PABIR1: variants seen among roughly 807,000 people sequenced by gnomAD.
The protein encoded by PABIR1 is PP2A Aalpha (PPP2R1A) and B55A (PPP2R2A) interacting phosphatase regulator 1, also known as PPP2R1A-PPP2R2A-interacting phosphatase regulator 1.
A neutral mutation model predicts 14.6 loss-of-function variants in PABIR1; 2 were observed. The ratio of observed to expected loss-of-function variants is 0.14; its 90% CI spans 0.06 to 0.43. PABIR1 has a LOEUF of 0.43. PABIR1 is among the 20% of genes least tolerant of loss of function. The pLI, the probability that PABIR1 is intolerant of heterozygous loss-of-function variation, is 0.99. For missense variants in PABIR1, 294 were observed against 379.0 expected (o/e 0.78, Z 1.86); for synonymous variants, 163 against 155.4 (o/e 1.05, Z -0.36).
Position 68,783,417 on chromosome 9 carries a change from T to G in PABIR1, c.*2389T>G, listed in dbSNP as rs1329485689. 6.0e-6 allele frequency: 1 copy of G among 166,988 alleles called. No individual in the cohort carries two copies. Among genetic ancestry groups the G allele is most frequent in the East Asian group, 1.9e-4 (1 of 5,210 alleles). The allele number at this position is 166,988 out of a possible 1,614,324, so 10.3% of individuals were successfully genotyped here. A position where few individuals can be genotyped will look rare whatever the true frequency, so the allele number is the denominator to read the frequency against. On this transcript the variant is annotated 3_prime_UTR_variant, in exon 1 of 1. Transcript: ENST00000394264. ...CGTGAGTTTAAGTATGAAGGCAATGTATACCTGCTGATTGTAAAATATTTA... is the reference window on the plus strand; with the variant it reads ...CGTGAGTTTAAGTATGAAGGCAATGGATACCTGCTGATTGTAAAATATTTA...
rs1379443843 is a variant in PABIR1 at position 68,781,590 on chromosome 9, G to A, written c.*562G>A. On this transcript the variant is annotated 3_prime_UTR_variant, in exon 1 of 1. Transcript: ENST00000394264. ...TGGGTACTGAAGTGGATGGGAGGGG[G>A]AATGATTAAAGAACAAATTATAAAA... 6.0e-6 allele frequency: 1 copy of A among 166,594 alleles called. No individual in the cohort carries two copies. Among genetic ancestry groups the A allele is most frequent in the Non-Finnish European group, 1.5e-5 (1 of 68,094 alleles). The allele number at this position is 166,594 out of a possible 1,614,324, so 10.3% of individuals were successfully genotyped here.
In PABIR1 at chr9:68,780,081, C is replaced by G. The variant is rs918424948; in HGVS notation, c.-84C>G. 7.0e-7 allele frequency: 1 copy of G among 1,421,838 alleles called. No homozygotes were observed. The highest frequency in any genetic ancestry group is 2.6e-5 in the East Asian group (1 of 38,444). 88.1% of individuals were successfully genotyped at this position (1,421,838 alleles called of 1,614,324 possible). A position where few individuals can be genotyped will look rare whatever the true frequency, so the allele number is the denominator to read the frequency against. ...CCCGCTGACAGATTCTCGGTGGCGG[C>G]GGCAGCGGCGGCGGCCCTGGACTGC... On this transcript the variant is annotated 5_prime_UTR_variant, in exon 1 of 1. Coordinates refer to ENST00000394264, the MANE Select transcript of PABIR1 (RefSeq NM_138333.5).
Position 68,781,260 on chromosome 9 carries a change from C to T in PABIR1, c.*232C>T. On this transcript the variant is annotated 3_prime_UTR_variant, in exon 1 of 1. Transcript: ENST00000394264. ...CGTTTCCCCAATAAGTGTGTTGAAG[C>T]ATACATCTTTACGCTGCTAATATGT... 1 of 545,448 alleles carries T rather than the reference C, an allele frequency of 1.8e-6. No individual in the cohort carries two copies. Among genetic ancestry groups the T allele is most frequent in the Non-Finnish European group, 3.3e-6 (1 of 302,994 alleles). 33.8% of individuals were successfully genotyped at this position (545,448 alleles called of 1,614,324 possible).
rs1831197976 is a variant in PABIR1, at chr9:68,780,449, C to T, written c.285C>T (p.Asp95=). Reference sequence around the variant, plus strand: ...AGATCAAACAAGAAGAGGGCATGGACTTGATCAACCGAGAGACGGTCCACG... The same window carrying T: ...AGATCAAACAAGAAGAGGGCATGGATTTGATCAACCGAGAGACGGTCCACG... ...LHQIKQEEGM[D]LINRETVHER... is the part of the protein sequence containing the mutation. The change falls in exon 1 of 1, where the codon GAC becomes GAT. Residue 95 remains aspartate (D), a synonymous_variant. Transcript: ENST00000394264. The T allele has an allele frequency of 6.2e-7, 1 of 1,614,236 alleles. No homozygotes were observed.
chr9:68,780,970 T>G lies in PABIR1; in HGVS notation c.806T>G (p.Val269Gly). 6.2e-7 allele frequency: 1 copy of G among 1,614,240 alleles called. No individual in the cohort carries two copies. The highest frequency in any genetic ancestry group is 8.5e-7 in the Non-Finnish European group (1 of 1,180,046). Reference protein sequence around the residue: ...AKVSTTTDSPVSPAQAASPFI... With the variant: ...AKVSTTTDSPGSPAQAASPFI... ...GTCAGCACTACCACCGACTCTCCTG[T>G]GTCACCTGCCCAAGCGGCTTCTCCA... Residue 269 changes from valine to glycine, a missense_variant, in exon 1 of 1, where the codon GTG becomes GGG. Transcript: ENST00000394264.
In PABIR1 at chr9:68,782,528, A is replaced by C. The variant is rs1226065604; in HGVS notation, c.*1500A>C. The C allele has an allele frequency of 6.0e-6, 1 of 167,118 alleles. No homozygotes were observed. The highest frequency in any genetic ancestry group is 1.5e-5 in the Non-Finnish European group (1 of 68,112). 10.4% of individuals were successfully genotyped at this position (167,118 alleles called of 1,614,324 possible). ...GGAAAAATGACTCAGAACAAGACAA[A>C]AGCTCTGACTGTTTAAAGTTATCGC... On this transcript the variant is annotated 3_prime_UTR_variant, in exon 1 of 1. Coordinates refer to ENST00000394264, the MANE Select transcript of PABIR1 (RefSeq NM_138333.5).
In PABIR1 at chr9:68,784,275, A is replaced by G. The variant is rs1831481738; in HGVS notation, c.*3247A>G. The G allele has an allele frequency of 6.0e-6, 1 of 166,888 alleles. No homozygotes were observed. The highest frequency in any genetic ancestry group is 6.6e-5 in the Admixed American group (1 of 15,240). The allele number at this position is 166,888 out of a possible 1,614,324, so 10.3% of individuals were successfully genotyped here. ...TTTAAGGTATTAGTATTGCTAATCT[A>G]TAAACTTTGTGCAAGAAGTCCTAAA... is the stretch of plus-strand genomic sequence containing the variant. On this transcript the variant is annotated 3_prime_UTR_variant, in exon 1 of 1. Transcript: ENST00000394264.
rs373747727 is a variant in PABIR1 at position 68,781,044 on chromosome 9, A to G, written c.*16A>G. ...GTCTAAGTGATTCACTCATCCTGAG[A>G]CTTTCTTTTTGCAGTGGAGAGAGAG... On this transcript the variant is annotated 3_prime_UTR_variant, in exon 1 of 1. Transcript: ENST00000394264. The G allele has an allele frequency of 6.2e-7, 1 of 1,602,716 alleles. No individual in the cohort carries two copies. Among genetic ancestry groups the G allele is most frequent in the Non-Finnish European group, 8.5e-7 (1 of 1,172,786 alleles).
chr9:68,783,577 A>G lies in PABIR1; in HGVS notation c.*2549A>G, dbSNP rs1831428369. On this transcript the variant is annotated 3_prime_UTR_variant, in exon 1 of 1. Transcript: ENST00000394264. ...ATGTGTTACTGGCATTTCCATGTATATATGTATATAAATGCAGGAAACCAA... is the reference window on the plus strand; with the variant it reads ...ATGTGTTACTGGCATTTCCATGTATGTATGTATATAAATGCAGGAAACCAA... 6.0e-6 allele frequency: 1 copy of G among 166,930 alleles called. No individual in the cohort carries two copies. 10.3% of individuals were successfully genotyped at this position (166,930 alleles called of 1,614,324 possible). A position where few individuals can be genotyped will look rare whatever the true frequency, so the allele number is the denominator to read the frequency against.
rs1288137136 is a variant in PABIR1 at position 68,780,073 on chromosome 9, G to T, written c.-92G>T. On this transcript the variant is annotated 5_prime_UTR_variant, in exon 1 of 1. Transcript: ENST00000394264. ...GGGGCCAGCCCGCTGACAGATTCTC[G>T]GTGGCGGCGGCAGCGGCGGCGGCCC... 10 of 1,426,002 alleles carry T rather than the reference G, an allele frequency of 7.0e-6. No individual in the cohort carries two copies. Among genetic ancestry groups the T allele is most frequent in the African/African-American group, 4.4e-5 (3 of 67,674 alleles). The allele number at this position is 1,426,002 out of a possible 1,614,324, so 88.3% of individuals were successfully genotyped here.
In PABIR1 at chr9:68,782,627, T is replaced by TA. The variant is rs1831359757; in HGVS notation, c.*1599_*1600insA. ...AATGGAACTGGTCAACTCTTGACAGTTGCCTCAAGATGGAGTGAAATTGCA... is the reference window on the plus strand; with the variant it reads ...AATGGAACTGGTCAACTCTTGACAGTATGCCTCAAGATGGAGTGAAATTGCA... On this transcript the variant is annotated 3_prime_UTR_variant, in exon 1 of 1. Coordinates refer to ENST00000394264, the MANE Select transcript of PABIR1 (RefSeq NM_138333.5). The TA allele has an allele frequency of 6.0e-6, 1 of 167,088 alleles. No individual in the cohort carries two copies. The highest frequency in any genetic ancestry group is 2.4e-5 in the African/African-American group (1 of 41,458). 10.4% of individuals were successfully genotyped at this position (167,088 alleles called of 1,614,324 possible). A position where few individuals can be genotyped will look rare whatever the true frequency, so the allele number is the denominator to read the frequency against.
chr9:68,780,675 C>A lies in PABIR1; in HGVS notation c.511C>A (p.Pro171Thr). 3.1e-6 allele frequency: 5 copies of A among 1,614,208 alleles called. No homozygotes were observed. The highest frequency in any genetic ancestry group is 4.2e-6 in the Non-Finnish European group (5 of 1,180,036). The change falls in exon 1 of 1, where the codon CCT (proline) becomes ACT (threonine). Residue 171 changes from proline (P) to threonine (T), a missense_variant. Coordinates refer to ENST00000394264, the MANE Select transcript of PABIR1 (RefSeq NM_138333.5). ...AAGTTTTGTAAGTAGCAACGGATTG[C>A]CTCCAAGCCCTATTCCCAGCCCAAC... is the stretch of plus-strand genomic sequence containing the variant. ...LQSFVSSNGL[P>T]PSPIPSPTTR...
At position 68,784,833 on chromosome 9, in the gene PABIR1, A is replaced by G. The variant is rs951917951; in HGVS notation, c.*3805A>G. Among the ~76,000 whole-genome samples the G allele has an allele frequency of 6.6e-6, 1 of 152,208 alleles. No individual in the cohort carries two copies. The highest frequency in any genetic ancestry group is 1.5e-5 in the Non-Finnish European group (1 of 68,040). ...AAACAGGAGGGAGAGTGAAAAGGCT[A>G]GGCAAAGATATCCATAAATGTTGAA... On this transcript the variant is annotated 3_prime_UTR_variant, in exon 1 of 1. Transcript: ENST00000394264.
rs1450819255 is a variant in PABIR1 at position 68,780,314 on chromosome 9, G to T, written c.150G>T (p.Val50=). 6.2e-7 allele frequency: 1 copy of T among 1,603,570 alleles called. No individual in the cohort carries two copies. The highest frequency in any genetic ancestry group is 1.7e-5 in the Admixed American group (1 of 58,960). The change falls in exon 1 of 1, where the codon GTG becomes GTT. Residue 50 remains valine, a synonymous_variant. Coordinates refer to ENST00000394264, the MANE Select transcript of PABIR1 (RefSeq NM_138333.5). ...ACGGCCTCAGTGACACTTCGCCGGT[G>T]TTCCAGGCCGAGGCGCCGAGCGCCA... ...LIHGLSDTSP[V]FQAEAPSARR... is the part of the protein sequence containing the mutation.
Position 68,780,698 on chromosome 9 carries a change from A to C in PABIR1, c.534A>C (p.Pro178=), listed in dbSNP as rs1025971173. Residue 178 remains proline (P), a synonymous_variant, in exon 1 of 1, where the codon CCA becomes CCC. Transcript: ENST00000394264. ...NGLPPSPIPS[P]TTRFTTRRSQ... ...TGCCTCCAAGCCCTATTCCCAGCCCAACGACCCGATTTACCACCCGGAGAA... is the reference window on the plus strand; with the variant it reads ...TGCCTCCAAGCCCTATTCCCAGCCCCACGACCCGATTTACCACCCGGAGAA... 2.5e-6 allele frequency: 4 copies of C among 1,614,088 alleles called. No homozygotes were observed. In the African/African-American group the frequency reaches 5.3e-5, roughly 22 times the overall value.
In PABIR1 at chr9:68,780,094, G is replaced by A; in HGVS notation, c.-71G>A. 6.4e-5 allele frequency: 86 copies of A among 1,337,076 alleles called. No homozygotes were observed. The highest frequency in any genetic ancestry group is 3.1e-4 in the South Asian group (13 of 42,236). The allele number at this position is 1,337,076 out of a possible 1,614,324, so 82.8% of individuals were successfully genotyped here. On this transcript the variant is annotated 5_prime_UTR_variant, in exon 1 of 1. Coordinates refer to ENST00000394264, the MANE Select transcript of PABIR1 (RefSeq NM_138333.5). ...TCTCGGTGGCGGCGGCAGCGGCGGCGGCCCTGGACTGCGGGGAATGGGAAT... is the reference window on the plus strand; with the variant it reads ...TCTCGGTGGCGGCGGCAGCGGCGGCAGCCCTGGACTGCGGGGAATGGGAAT...
rs762685449 is a variant in PABIR1, at chr9:68,780,657, G to A, written c.493G>A (p.Val165Ile). 3 of 1,614,088 alleles carry A rather than the reference G, an allele frequency of 1.9e-6. No individual in the cohort carries two copies. The highest frequency in any genetic ancestry group is 2.5e-6 in the Non-Finnish European group (3 of 1,180,042). Residue 165 changes from valine (V) to isoleucine (I), a missense_variant, in exon 1 of 1, where the codon GTA (valine) becomes ATA (isoleucine). Physicochemically the swap from Val to Ile is conservative, Grantham distance 29 (BLOSUM62 3). Around this residue, in one of 3 missense-constraint regions of PABIR1, gnomAD observed 103 missense variants for 175.9 expected, o/e 0.59. Coordinates refer to ENST00000394264, the MANE Select transcript of PABIR1 (RefSeq NM_138333.5). ...TTTTTCGCCATCCTTGCAAAGTTTT[G>A]TAAGTAGCAACGGATTGCCTCCAAG... is the stretch of plus-strand genomic sequence containing the variant. Reference protein sequence around the residue: ...QCFSPSLQSFVSSNGLPPSPI... With the variant: ...QCFSPSLQSFISSNGLPPSPI...
Position 68,780,786 on chromosome 9 carries a change from A to G in PABIR1, c.622A>G (p.Met208Val). The G allele has an allele frequency of 6.2e-7, 1 of 1,614,246 alleles. No individual in the cohort carries two copies. Among genetic ancestry groups the G allele is most frequent in the Non-Finnish European group, 8.5e-7 (1 of 1,180,044 alleles). ...VLGPLKRKCEMETEYQPKRFF... is the reference protein window; with the variant it reads ...VLGPLKRKCEVETEYQPKRFF... ...TGGACCATTGAAAAGAAAATGTGAA[A>G]TGGAAACTGAATATCAGCCAAAGAG... Residue 208 changes from methionine (M) to valine (V), a missense_variant, in exon 1 of 1, where the codon ATG becomes GTG. This residue lies in a region of PABIR1 where 95 missense variants were observed against 100.8 expected (regional missense o/e 0.94). Coordinates refer to ENST00000394264, the MANE Select transcript of PABIR1 (RefSeq NM_138333.5).
chr9:68,781,306 T>G lies in PABIR1; in HGVS notation c.*278T>G, dbSNP rs1363485905. On this transcript the variant is annotated 3_prime_UTR_variant, in exon 1 of 1. Coordinates refer to ENST00000394264, the MANE Select transcript of PABIR1 (RefSeq NM_138333.5). The stretch of plus-strand genomic sequence containing the variant: ...TATGTCTAAATACATATGTTATCCC[T>G]TGATTTTTTTAAATAACTGAGAGCT... 1 of 313,212 alleles carries G rather than the reference T, an allele frequency of 3.2e-6. No individual in the cohort carries two copies. Among genetic ancestry groups the G allele is most frequent in the Admixed American group, 4.7e-5 (1 of 21,502 alleles). The allele number at this position is 313,212 out of a possible 1,614,324, so 19.4% of individuals were successfully genotyped here.
Sources: gnomAD v4.1 joint callset for allele counts (sites outside exome capture counted in the v4.1 genomes callset) on GRCh38, gnomAD v4.1.1 for gene constraint, gnomAD v4.1.1 regional missense constraint, MANE v1.5 for transcripts, NCBI Gene and HGNC (gene_info 2026-07-23, HGNC 2026-07-21) for gene names.